The following FAM184A variants were observed in gnomAD, a reference collection of about 807,000 sequenced individuals.
FAM184A encodes the protein family with sequence similarity 184 member A, also known as protein FAM184A.
FAM184A carries 99 observed loss-of-function variants against 143.8 expected under a neutral mutation model. The ratio of observed to expected loss-of-function variants is 0.69; its 90% CI spans 0.58 to 0.81. FAM184A has a LOEUF of 0.81. Among genes scored for constraint, FAM184A ranks in the 40% least tolerant of loss-of-function variants. The probability of loss-of-function intolerance (pLI) is 0.00; values close to 1 mark genes in which losing one functional copy is unlikely to be tolerated. For synonymous variants in FAM184A, 427 were observed against 446.4 expected (o/e 0.96, Z 0.55); for missense variants, 1,217 against 1,310.5 (o/e 0.93, Z 1.10).
At chr6:119,000,898 A>G (rs1238617575) in intron 9 of FAM184A, among the ~76,000 whole-genome samples, 2 of 151,380 alleles carry the variant, frequency 1.3e-5, no homozygotes, top group East Asian at 3.9e-4. Context: ...GTAGGAGTGA[A>G]GGCAGTGAAA....
chr6:119,112,192 C>T (rs1220052855), intron 1 of FAM184A, among the ~76,000 whole-genome samples: 5 of 151,296 alleles, frequency 3.3e-5, no homozygotes, highest in African/African-American at 4.9e-5. Context: ...AGTGCAATGG[C>T]GCAATCTCGG....
In FAM184A at chr6:119,084,866, C is replaced by A. The variant is rs1297435771; in HGVS notation, c.-201-60053G>T. On this transcript the variant is annotated intron_variant, in intron 1 of 16. Transcript: ENST00000352896. ...TACCACCAAGGTTTATGGCTTGCAC[C>A]CTCTGAAGCAACAGCCCAAGCTGTG... Among the ~76,000 whole-genome samples the A allele has an allele frequency of 3.9e-5, 6 of 152,210 alleles. No individual in the cohort carries two copies. The South Asian group carries it at 8.3e-4, about 21-fold the overall frequency.
intron 1 of FAM184A, among the ~76,000 whole-genome samples, chr6:119,027,676 T>C (rs1785705989): frequency 6.6e-6 from 1 of 152,164 alleles, no homozygotes; most frequent in Non-Finnish European, 1.5e-5. Flanking sequence ...GCTCCAGAGA[T>C]GTTTGCTTTT....
At chr6:118,988,396 A>C (rs1412169993) in intron 9 of FAM184A, among the ~76,000 whole-genome samples, 3 of 152,236 alleles carry the variant, frequency 2.0e-5, no homozygotes, top group Non-Finnish European at 4.4e-5. Context: ...TATAAATCAG[A>C]GTTCAGTTTA....
chr6:119,133,585 G>A (rs1301565166), intron 1 of FAM184A, among the ~76,000 whole-genome samples: 1 of 152,060 alleles, frequency 6.6e-6, no homozygotes, highest in Non-Finnish European at 1.5e-5. Context: ...TGTACCTCAT[G>A]TTAACCAGTT....
chr6:119,029,212 C>T (rs1785779356), intron 1 of FAM184A, among the ~76,000 whole-genome samples: 1 of 152,124 alleles, frequency 6.6e-6, no homozygotes, highest in African/African-American at 2.4e-5. Context: ...AGAACTAAGT[C>T]ACATCATTAG....
intron 6 of FAM184A, 35 bp from the exon 7 acceptor site, chr6:119,006,643 T>C: frequency 6.6e-7 from 1 of 1,509,952 alleles, no homozygotes; most frequent in Non-Finnish European, 9.0e-7. Context: ...ATATATTTCA[T>C]TGTAATAGAA....
intron 6 of FAM184A, among the ~76,000 whole-genome samples, chr6:119,007,983 A>G (rs1784977715): frequency 6.6e-6 from 1 of 152,242 alleles, no homozygotes; most frequent in African/African-American, 2.4e-5. Context: ...TAAAGAATTC[A>G]AAGAGAAGGT....
At chr6:118,985,410 C>A (rs533974753) in intron 9 of FAM184A, among the ~76,000 whole-genome samples, 26 of 152,340 alleles carry the variant, frequency 1.7e-4, no homozygotes, top group African/African-American at 6.0e-4. Context: ...CTTTATATAT[C>A]TTCCAAGATG....
At chr6:119,092,597 T>C (rs1051966037) in intron 1 of FAM184A, among the ~76,000 whole-genome samples, 4 of 152,174 alleles carry the variant, frequency 2.6e-5, no homozygotes, top group Admixed American at 2.6e-4. Context: ...CCCCTGTTAT[T>C]AGTGTCACCT....
chr6:119,085,414 C>T (rs1562144369), intron 1 of FAM184A, among the ~76,000 whole-genome samples: 1 of 152,224 alleles, frequency 6.6e-6, no homozygotes. Context: ...ACAAAAGTGA[C>T]ATTTGCTCCA....
chr6:118,977,532 A>G (rs1221577146), intron 11 of FAM184A, among the ~76,000 whole-genome samples: 1 of 152,180 alleles, frequency 6.6e-6, no homozygotes, highest in African/African-American at 2.4e-5. Context: ...GTGAGCTGAT[A>G]GCACACCACT....
intron 1 of FAM184A, among the ~76,000 whole-genome samples, chr6:119,138,483 C>A (rs965349383): frequency 2.0e-5 from 3 of 152,210 alleles, no homozygotes; most frequent in Admixed American, 1.3e-4. Context: ...CTAGAAGCGA[C>A]CTGCCTTCCT....
At chr6:119,137,481 A>G (rs1789703063) in intron 1 of FAM184A, among the ~76,000 whole-genome samples, 1 of 152,176 alleles carries the variant, frequency 6.6e-6, no homozygotes, top group African/African-American at 2.4e-5. Context: ...ACCTCATTTA[A>G]TCTTAATTAC....
At position 119,051,814 on chromosome 6, in the gene FAM184A, C is replaced by A. The variant is rs78839869; in HGVS notation, c.159+26327G>T. On this transcript the variant is annotated intron_variant, in intron 1 of 17. Coordinates refer to ENST00000338891, the MANE Select transcript of FAM184A (RefSeq NM_024581.6). The stretch of plus-strand genomic sequence containing the variant: ...TCAAATACAGGTTTTTGAATAAGAA[C>A]TTGGAAATTAATAAAAGTTAATGAG... Among the ~76,000 whole-genome samples, 1,224 of 152,224 alleles carry A rather than the reference C, an allele frequency of 8.0e-3. 15 individuals are homozygous for A. Among genetic ancestry groups the A allele is most frequent in the African/African-American group, 0.028 (1,147 of 41,534 alleles).
intron 9 of FAM184A, among the ~76,000 whole-genome samples, chr6:118,980,903 G>T (rs1784001055): frequency 6.6e-6 from 1 of 152,164 alleles, no homozygotes; most frequent in Admixed American, 6.5e-5. Context: ...GATTATTTGA[G>T]AATTAAAAAC....
intron 1 of FAM184A, among the ~76,000 whole-genome samples, chr6:119,124,302 T>C (rs1362762424): frequency 6.6e-6 from 1 of 152,190 alleles, no homozygotes; most frequent in African/African-American, 2.4e-5. Context: ...ACTATGTAAA[T>C]AGCTTTACAG....
At chr6:119,147,276 C>G (rs1772477155) in intron 1 of FAM184A, among the ~76,000 whole-genome samples, 1 of 148,612 alleles carries the variant, frequency 6.7e-6, no homozygotes, top group African/African-American at 2.5e-5. Flanking sequence ...TGGGTGCATC[C>G]TAGCTGTGGG....
intron 1 of FAM184A, among the ~76,000 whole-genome samples, chr6:119,052,189 T>G (rs936228132): frequency 1.3e-5 from 2 of 152,198 alleles, no homozygotes; most frequent in African/African-American, 4.8e-5. Context: ...TAATTTCAAT[T>G]AGCTATTTTG....
Sources: gnomAD v4.1 joint callset for allele counts (sites outside exome capture counted in the v4.1 genomes callset) on GRCh38, gnomAD v4.1.1 for gene constraint, MANE v1.5 for transcripts, NCBI Gene and HGNC (gene_info 2026-07-23, HGNC 2026-07-21) for gene names.